Variants in SLC28A1 observed in about 807,000 individuals in gnomAD.
SLC28A1 encodes the protein solute carrier family 28 member 1.
SLC28A1 carries 64 observed loss-of-function variants against 74.8 expected under a neutral mutation model. That is an observed-to-expected ratio of 0.86 (90% CI 0.70 to 1.05). The LOEUF is 1.05. SLC28A1 is among the 50% of genes least tolerant of loss of function. SLC28A1 has a pLI of 0.00. For missense variants in SLC28A1, 828 were observed against 822.8 expected (o/e 1.01, Z -0.08); for synonymous variants, 359 against 335.0 (o/e 1.07, Z -0.78).
chr15:84,888,525 G>A (rs1005096102), intron 3 of SLC28A1, among the ~76,000 whole-genome samples: 6 of 152,272 alleles, frequency 3.9e-5, no homozygotes, highest in East Asian at 3.9e-4. Context: ...CAGCTGGGCC[G>A]CAGGTGTCTG....
In SLC28A1 at chr15:84,894,941, G is replaced by A. The variant is rs748804179; in HGVS notation, c.279G>A (p.Gly93=). 3.7e-6 allele frequency: 6 copies of A among 1,614,046 alleles called. No homozygotes were observed. Among genetic ancestry groups the A allele is most frequent in the Middle Eastern group, 1.6e-4 (1 of 6,062 alleles). ...RWIGTGLLCT[G]LSAFLLVACL... is the part of the protein sequence containing the mutation. ...CCCCTCCTCTGTCTCATCCCCCAGG[G>A]CTCTCTGCCTTCCTGCTGGTGGCCT... The change falls in exon 6 of 19, where the codon GGG becomes GGA. Residue 93 remains glycine, a splice_region_variant and synonymous_variant. Transcript: ENST00000394573.
At chr15:84,897,104 C>T (rs775678221) in intron 6 of SLC28A1, among the ~76,000 whole-genome samples, 7 of 151,778 alleles carry the variant, frequency 4.6e-5, no homozygotes, top group East Asian at 1.9e-4. Context: ...TGGCCAGGCA[C>T]GGTGGCTCAC....
At chr15:84,970,817 G>A in the SLC28A1 span, among the ~76,000 whole-genome samples, 1 of 151,172 alleles carries the variant, frequency 6.6e-6, no homozygotes, top group African/African-American at 2.4e-5. Context: ...GAGCAACATG[G>A]TGAGACCTCA....
In SLC28A1 at chr15:84,935,375, G is replaced by A; in HGVS notation, c.1438G>A (p.Glu480Lys). The change falls in exon 15 of 19, where the codon GAG (glutamate) becomes AAG (lysine). Residue 480 changes from glutamate (E) to lysine (K), a missense_variant. Physicochemically the swap from Glu to Lys is moderately conservative, Grantham distance 56 (BLOSUM62 1). Transcript: ENST00000394573. ...PVAFLMGVAW[E>K]DCPVVAELLG... The stretch of plus-strand genomic sequence containing the variant: ...AGCCTTCTTGATGGGTGTGGCGTGG[G>A]AGGACTGCCCAGTGGTAGCTGAGCT... 1.2e-6 allele frequency: 2 copies of A among 1,614,236 alleles called. No individual in the cohort carries two copies. The highest frequency in any genetic ancestry group is 2.2e-5 in the South Asian group (2 of 91,090).
intron 12 of SLC28A1, among the ~76,000 whole-genome samples, chr15:84,929,087 T>C (rs1432150657): frequency 6.6e-6 from 1 of 152,188 alleles, no homozygotes; most frequent in African/African-American, 2.4e-5. Context: ...AGGCTAGTCG[T>C]ATTGAAAAAC....
intron 1 of SLC28A1, chr15:84,886,216 T>C (rs1410833972): frequency 1.0e-6 from 1 of 985,298 alleles, no homozygotes; most frequent in East Asian, 1.1e-4. Flanking sequence ...ACTTTTACTA[T>C]TTCTCACAGC....
At chr15:84,967,398 C>T in the SLC28A1 span, among the ~76,000 whole-genome samples, 1 of 152,206 alleles carries the variant, frequency 6.6e-6, no homozygotes, top group East Asian at 1.9e-4. Flanking sequence ...AAAGGGTTTC[C>T]TTCCTAAAAA....
chr15:84,958,295 C>G, the SLC28A1 span, among the ~76,000 whole-genome samples: 4 of 152,146 alleles, frequency 2.6e-5, no homozygotes, highest in African/African-American at 9.7e-5. Context: ...CTCTTCAGGC[C>G]TGCTGCTGCT....
intron 6 of SLC28A1, among the ~76,000 whole-genome samples, chr15:84,901,451 G>C (rs1276515315): frequency 1.3e-5 from 2 of 152,072 alleles, no homozygotes; most frequent in Non-Finnish European, 2.9e-5. Flanking sequence ...AAGTTGTAGT[G>C]AGCCAGGATC....
intron 8 of SLC28A1, among the ~76,000 whole-genome samples, chr15:84,907,587 C>T (rs527434935): frequency 1.5e-4 from 23 of 152,144 alleles, no homozygotes; most frequent in Middle Eastern, 3.2e-3. Context: ...CTCATTGCAG[C>T]CTCGACCTCC....
chr15:84,914,351 A>G (rs777467082), intron 9 of SLC28A1, among the ~76,000 whole-genome samples: 2 of 152,184 alleles, frequency 1.3e-5, no homozygotes, highest in Non-Finnish European at 2.9e-5. Context: ...TTTGGTTTCA[A>G]TATATGAATT....
At chr15:84,953,443 G>A in the SLC28A1 span, among the ~76,000 whole-genome samples, 1 of 152,092 alleles carries the variant, frequency 6.6e-6, no homozygotes, top group Admixed American at 6.5e-5. Context: ...TATAACAGTG[G>A]AAAGCCTGAG....
chr15:84,930,203 G>C (rs1360570767), intron 12 of SLC28A1, among the ~76,000 whole-genome samples: 1 of 152,244 alleles, frequency 6.6e-6, no homozygotes, highest in Non-Finnish European at 1.5e-5. Context: ...GTCAGAGGAA[G>C]GGTCAGGGTC....
chr15:84,920,033 A>C (rs1009294983), intron 10 of SLC28A1, among the ~76,000 whole-genome samples: 1 of 152,206 alleles, frequency 6.6e-6, no homozygotes, highest in African/African-American at 2.4e-5. Context: ...GAGAAGAGGA[A>C]GTTAGGGGAG....
chr15:84,911,597 C>T (rs567387176), intron 9 of SLC28A1, among the ~76,000 whole-genome samples: 29 of 151,904 alleles, frequency 1.9e-4, no homozygotes, highest in African/African-American at 6.0e-4. Flanking sequence ...CGTGGTGGCT[C>T]ACGCCTGTAA....
chr15:84,958,448 A>G, the SLC28A1 span, among the ~76,000 whole-genome samples: 1 of 152,218 alleles, frequency 6.6e-6, no homozygotes, highest in African/African-American at 2.4e-5. Context: ...ATTTTGTGAA[A>G]AATTGCATAT....
chr15:84,909,094 G>C (rs928539728), intron 9 of SLC28A1, among the ~76,000 whole-genome samples: 6 of 152,266 alleles, frequency 3.9e-5, no homozygotes, highest in Admixed American at 3.9e-4. Flanking sequence ...CTGAGGACAA[G>C]AAGTGGGGGT....
chr15:84,889,731 TCC>T (rs1240288357), intron 4 of SLC28A1, among the ~76,000 whole-genome samples: 1 of 126,164 alleles, frequency 7.9e-6, no homozygotes, highest in Non-Finnish European at 1.7e-5. Flanking sequence ...CTTCCTTCCT[TCC>T]TTCCTTCCTT....
chr15:84,895,685 C>T, intron 6 of SLC28A1: 1 of 1,387,882 alleles, frequency 7.2e-7, no homozygotes, highest in Non-Finnish European at 9.3e-7. Flanking sequence ...GCCCAGCCCA[C>T]CATTTCACCA....
Sources: gnomAD v4.1 joint callset for allele counts (sites outside exome capture counted in the v4.1 genomes callset) on GRCh38, gnomAD v4.1.1 for gene constraint, MANE v1.5 for transcripts, NCBI Gene and HGNC (gene_info 2026-07-23, HGNC 2026-07-21) for gene names.